Variants in THSD7A observed in about 807,000 individuals in gnomAD.
The protein encoded by THSD7A is thrombospondin type-1 domain-containing protein 7A.
In THSD7A, 96 loss-of-function variants were observed where a neutral mutation model predicts 231.3. The observed-to-expected ratio is 0.41, with a 90% CI of 0.35 to 0.49. THSD7A has a LOEUF of 0.49. Among genes scored for constraint, THSD7A ranks in the 20% least tolerant of loss-of-function variants. THSD7A has a pLI of 0.05. For missense variants in THSD7A, 2,290 were observed against 2,070.2 expected (o/e 1.11, Z -2.06); for synonymous variants, 940 against 743.3 (o/e 1.26, Z -4.30).
intron 2 of THSD7A, among the ~76,000 whole-genome samples, chr7:11,615,273 C>T (rs747795014): frequency 6.6e-6 from 1 of 152,180 alleles, no homozygotes; most frequent in African/African-American, 2.4e-5. Context: ...AGGTACATGG[C>T]TATTCTTCAC....
chr7:11,433,538 C>A (rs534228933), intron 13 of THSD7A, among the ~76,000 whole-genome samples: 1 of 152,048 alleles, frequency 6.6e-6, no homozygotes, highest in Non-Finnish European at 1.5e-5. Flanking sequence ...CAAATATTAT[C>A]AATGGCTTTG....
chr7:11,454,688 CTATT>C (rs928777714), intron 11 of THSD7A, among the ~76,000 whole-genome samples: 4 of 151,550 alleles, frequency 2.6e-5, no homozygotes, highest in Non-Finnish European at 4.4e-5. Context: ...TTAACTGAAT[CTATT>C]TGTTATACAT....
At chr7:11,689,066 A>C (rs1284211604) in intron 1 of THSD7A, among the ~76,000 whole-genome samples, 1 of 151,886 alleles carries the variant, frequency 6.6e-6, no homozygotes, top group Non-Finnish European at 1.5e-5. Context: ...TATGGATAAG[A>C]ATTTCTGTAC....
chr7:11,415,461 TC>T (rs1054179092), intron 17 of THSD7A, among the ~76,000 whole-genome samples: 1 of 152,158 alleles, frequency 6.6e-6, no homozygotes, highest in Admixed American at 6.5e-5. Flanking sequence ...AAAGTCTGAT[TC>T]CACACTGATG....
At position 11,818,886 on chromosome 7, in the gene THSD7A, T is replaced by C. The variant is rs182762753; in HGVS notation, c.190+12871A>G. Reference sequence around the variant, plus strand: ...TAATTCCCATGTGGTTTTTTTTCATTATTGAACAATTATCTTCAGTATGTG... The same window carrying C: ...TAATTCCCATGTGGTTTTTTTTCATCATTGAACAATTATCTTCAGTATGTG... On this transcript the variant is annotated intron_variant, in intron 1 of 27. Transcript: ENST00000423059. Among the ~76,000 whole-genome samples the C allele has an allele frequency of 1.9e-3, 283 of 152,192 alleles. 2 individuals are homozygous for C. The highest frequency in any genetic ancestry group is 6.5e-3 in the African/African-American group (269 of 41,504).
intron 6 of THSD7A, among the ~76,000 whole-genome samples, chr7:11,520,436 A>C (rs988048949): frequency 2.0e-5 from 3 of 152,208 alleles, no homozygotes; most frequent in Admixed American, 2.0e-4. Context: ...AGTATGACTT[A>C]TTTAAAATTA....
chr7:11,743,515 T>C (rs1298858895), intron 1 of THSD7A, among the ~76,000 whole-genome samples: 2 of 151,934 alleles, frequency 1.3e-5, no homozygotes, highest in African/African-American at 4.8e-5. Flanking sequence ...ATACTACGCA[T>C]TCTGGTTTCA....
rs185568228 is a variant in THSD7A at position 11,756,964 on chromosome 7, A to C, written c.190+74793T>G. Among the ~76,000 whole-genome samples the C allele has an allele frequency of 4.8e-3, 726 of 152,128 alleles. 6 individuals carry two copies. The highest frequency in any genetic ancestry group is 0.016 in the African/African-American group (683 of 41,536). On this transcript the variant is annotated intron_variant, in intron 1 of 27. Coordinates refer to ENST00000423059, the MANE Select transcript of THSD7A (RefSeq NM_015204.3). The stretch of plus-strand genomic sequence containing the variant: ...CTGAATTCTGGCATCAAGTGAGTTT[A>C]GATTTTATTCATCTCTGGTGTGCAA...
At chr7:11,520,212 G>A (rs1490576694) in intron 6 of THSD7A, 2 of 152,154 alleles carry the variant, frequency 1.3e-5, no homozygotes, top group African/African-American at 2.4e-5. Context: ...GTCAAATAGA[G>A]GTGAGTTTTA....
intron 27 of THSD7A, among the ~76,000 whole-genome samples, chr7:11,376,143 CAG>C (rs936847086): frequency 1.3e-5 from 2 of 151,978 alleles, no homozygotes; most frequent in African/African-American, 4.8e-5. Flanking sequence ...GTATTAACAA[CAG>C]AAATAAAATC....
intron 1 of THSD7A, among the ~76,000 whole-genome samples, chr7:11,657,429 G>GACC (rs1782750604): frequency 6.6e-6 from 1 of 151,678 alleles, no homozygotes; most frequent in South Asian, 2.1e-4. Flanking sequence ...AAGAAACAGG[G>GACC]ACCCTGGAAT....
At chr7:11,742,268 G>A (rs1051274513) in intron 1 of THSD7A, among the ~76,000 whole-genome samples, 1 of 151,880 alleles carries the variant, frequency 6.6e-6, no homozygotes, top group African/African-American at 2.4e-5. Context: ...ATTAGGGTGA[G>A]AGAAAGGAAA....
chr7:11,498,413 G>C (rs924010460), intron 6 of THSD7A, among the ~76,000 whole-genome samples: 1 of 152,044 alleles, frequency 6.6e-6, no homozygotes, highest in East Asian at 1.9e-4. Flanking sequence ...TCCTCACTGG[G>C]TGGAACCTCC....
chr7:11,748,496 A>G (rs1782388025), intron 1 of THSD7A, among the ~76,000 whole-genome samples: 1 of 152,026 alleles, frequency 6.6e-6, no homozygotes, highest in Non-Finnish European at 1.5e-5. Flanking sequence ...AAATAATGGA[A>G]TATTTTAAAG....
chr7:11,564,081 T>C (rs1178320624), intron 4 of THSD7A, among the ~76,000 whole-genome samples: 1 of 152,202 alleles, frequency 6.6e-6, no homozygotes, highest in Non-Finnish European at 1.5e-5. Context: ...CTAGGCTTGG[T>C]CTATTTTGGT....
chr7:11,666,333 A>T (rs1028054603), intron 1 of THSD7A, among the ~76,000 whole-genome samples: 12 of 152,104 alleles, frequency 7.9e-5, no homozygotes, highest in African/African-American at 2.7e-4. Context: ...GGTAATTTTA[A>T]ACAACATTTT....
intron 1 of THSD7A, among the ~76,000 whole-genome samples, chr7:11,801,306 T>C (rs1049038514): frequency 1.3e-5 from 2 of 152,134 alleles, no homozygotes; most frequent in African/African-American, 4.8e-5. Context: ...CTTCCTGTCT[T>C]TCTCTCTCTC....
intron 2 of THSD7A, among the ~76,000 whole-genome samples, chr7:11,608,310 G>T (rs1780805774): frequency 6.6e-6 from 1 of 152,028 alleles, no homozygotes; most frequent in South Asian, 2.1e-4. Flanking sequence ...GATTAGGAAA[G>T]GTAACCAAAA....
intron 6 of THSD7A, among the ~76,000 whole-genome samples, chr7:11,498,016 C>T (rs893499653): frequency 6.6e-5 from 10 of 152,170 alleles, no homozygotes; most frequent in African/African-American, 9.6e-5. Flanking sequence ...TATGTGGAGT[C>T]TTGGCAGAGC....
Sources: gnomAD v4.1 joint callset for allele counts (sites outside exome capture counted in the v4.1 genomes callset) on GRCh38, gnomAD v4.1.1 for gene constraint, MANE v1.5 for transcripts, NCBI Gene and HGNC (gene_info 2026-07-23, HGNC 2026-07-21) for gene names.